DENND1B: variants seen among roughly 807,000 people sequenced by gnomAD.
The protein encoded by DENND1B is DENN domain-containing protein 1B.
In DENND1B, 59 loss-of-function variants were observed where a neutral mutation model predicts 90.1. The observed-to-expected ratio is 0.65, with a 90% CI of 0.53 to 0.81. The LOEUF (loss-of-function observed/expected upper bound fraction) is 0.81, where lower values mean the gene tolerates loss of function less well. Among genes scored for constraint, DENND1B ranks in the 40% least tolerant of loss-of-function variants. The pLI, the probability that DENND1B is intolerant of heterozygous loss-of-function variation, is 0.00. For missense variants in DENND1B, 862 were observed against 912.6 expected, an observed-to-expected ratio of 0.94 and a Z score of 0.71; for synonymous variants, 337 against 324.6, an observed-to-expected ratio of 1.04 and a Z score of -0.41.
chr1:197,697,540 A>G (rs1436697474), intron 3 of DENND1B, among the ~76,000 whole-genome samples: 1 of 151,696 alleles, frequency 6.6e-6, no homozygotes, highest in African/African-American at 2.4e-5. Context: ...ATAAGGCTTA[A>G]AGATCACCTT....
intron 14 of DENND1B, among the ~76,000 whole-genome samples, chr1:197,594,945 G>A (rs767334423): frequency 6.6e-6 from 1 of 152,098 alleles, no homozygotes; most frequent in South Asian, 2.1e-4. Flanking sequence ...TAGTTAAGGA[G>A]TAAGTATTCC....
chr1:197,733,044 T>A (rs1430196505), intron 2 of DENND1B, among the ~76,000 whole-genome samples: 1 of 151,940 alleles, frequency 6.6e-6, no homozygotes, highest in Non-Finnish European at 1.5e-5. Context: ...ACAAACATGA[T>A]CATATTAAAC....
chr1:197,591,853 G>C (rs1198440829), intron 14 of DENND1B, among the ~76,000 whole-genome samples: 1 of 152,026 alleles, frequency 6.6e-6, no homozygotes, highest in Admixed American at 6.6e-5. Context: ...GCTCACGCCT[G>C]TAATCCCAGC....
chr1:197,527,285 G>C (rs529564660), intron 20 of DENND1B, among the ~76,000 whole-genome samples: 1 of 150,986 alleles, frequency 6.6e-6, no homozygotes, highest in Non-Finnish European at 1.5e-5. Context: ...TATTTCAAAA[G>C]AGTTGATCAC....
At chr1:197,559,981 A>G (rs559959214) in intron 15 of DENND1B, among the ~76,000 whole-genome samples, 1 of 152,086 alleles carries the variant, frequency 6.6e-6, no homozygotes, top group East Asian at 1.9e-4. Flanking sequence ...TTATGCCATT[A>G]GGTAATGAGA....
rs1354780887 is a variant in DENND1B, at chr1:197,539,943, AG to A, written c.1515+20del. On this transcript the variant is annotated intron_variant, in intron 20 of 22. Coordinates refer to ENST00000620048, the MANE Select transcript of DENND1B (RefSeq NM_001195215.2). ...ATAATTTGAGAATGTGGGGGAATGA[AG>A]GGTAAATAACCTTACTTACCTGAGC... The A allele has an allele frequency of 6.7e-7, 1 of 1,494,606 alleles. No individual in the cohort carries two copies. The allele number at this position is 1,494,606 out of a possible 1,614,324, so 92.6% of individuals were successfully genotyped here.
intron 5 of DENND1B, among the ~76,000 whole-genome samples, chr1:197,668,582 C>A (rs191303755): frequency 6.0e-5 from 9 of 151,220 alleles, no homozygotes; most frequent in Non-Finnish European, 1.3e-4. Flanking sequence ...GTCCCACAAC[C>A]CCTTCCCTTC....
intron 10 of DENND1B, among the ~76,000 whole-genome samples, chr1:197,641,704 A>T (rs1236930837): frequency 6.6e-6 from 1 of 152,152 alleles, no homozygotes; most frequent in Non-Finnish European, 1.5e-5. Context: ...AAAAGACTCA[A>T]TTTCACATTA....
chr1:197,685,167 T>C (rs1657106181), intron 3 of DENND1B, among the ~76,000 whole-genome samples: 2 of 151,996 alleles, frequency 1.3e-5, no homozygotes, highest in South Asian at 4.1e-4. Context: ...ATATGTCATA[T>C]TGAGAACAAG....
intron 10 of DENND1B, among the ~76,000 whole-genome samples, chr1:197,619,866 G>A (rs1339491907): frequency 1.3e-5 from 2 of 151,112 alleles, no homozygotes; most frequent in Non-Finnish European, 3.0e-5. Context: ...TCTGGTAGAG[G>A]GTTATGCCTG....
At chr1:197,537,824 A>G (rs1298348006) in intron 20 of DENND1B, among the ~76,000 whole-genome samples, 1 of 152,042 alleles carries the variant, frequency 6.6e-6, no homozygotes, top group African/African-American at 2.4e-5. Flanking sequence ...ACTTTACAGC[A>G]TGGTGAATAT....
At chr1:197,535,642 G>A (rs190385857) in intron 20 of DENND1B, among the ~76,000 whole-genome samples, 3 of 152,190 alleles carry the variant, frequency 2.0e-5, no homozygotes, top group South Asian at 4.1e-4. Flanking sequence ...ATCAGAAACA[G>A]TAGACATCTT....
At chr1:197,727,927 T>C (rs1490911912) in intron 2 of DENND1B, among the ~76,000 whole-genome samples, 1 of 152,016 alleles carries the variant, frequency 6.6e-6, no homozygotes, top group Non-Finnish European at 1.5e-5. Flanking sequence ...AATGTCCAAC[T>C]AAATATCTCA....
chr1:197,733,404 T>C (rs1662329358), intron 2 of DENND1B, among the ~76,000 whole-genome samples: 1 of 152,230 alleles, frequency 6.6e-6, no homozygotes. Context: ...TTCTTCTACC[T>C]TACCCAACAC....
intron 10 of DENND1B, among the ~76,000 whole-genome samples, chr1:197,635,202 C>T (rs567953549): frequency 2.0e-5 from 3 of 152,258 alleles, no homozygotes; most frequent in South Asian, 4.1e-4. Flanking sequence ...ATCAGATGAA[C>T]ACTTTATATT....
In DENND1B at chr1:197,523,479, C is replaced by T. The variant is rs142838057; in HGVS notation, c.1516-10526G>A. Among the ~76,000 whole-genome samples the T allele has an allele frequency of 2.7e-3, 411 of 152,226 alleles. 2 individuals carry two copies. The highest frequency in any genetic ancestry group is 9.7e-3 in the African/African-American group (401 of 41,552). ...GCCCACTTAAGACAAGCATAGAGAA[C>T]ACATAAGGCTAGGATCAACTAACTA... On this transcript the variant is annotated intron_variant, in intron 20 of 22. Coordinates refer to ENST00000620048, the MANE Select transcript of DENND1B (RefSeq NM_001195215.2).
chr1:197,713,775 T>TTATATTA (rs1660215135), intron 3 of DENND1B, among the ~76,000 whole-genome samples: 4 of 14,480 alleles, frequency 2.8e-4, no homozygotes, highest in Non-Finnish European at 4.1e-4. Flanking sequence ...TATTATATTA[T>TTATATTA]TATATTATAT....
intron 10 of DENND1B, among the ~76,000 whole-genome samples, chr1:197,640,198 T>C (rs1390528587): frequency 6.6e-6 from 1 of 152,060 alleles, no homozygotes; most frequent in Non-Finnish European, 1.5e-5. Context: ...AGAGGCCGGG[T>C]GCGGTGGCTC....
intron 13 of DENND1B, among the ~76,000 whole-genome samples, chr1:197,603,964 A>T (rs1045401615): frequency 6.6e-6 from 1 of 151,118 alleles, no homozygotes; most frequent in Non-Finnish European, 1.5e-5. Context: ...AATAACACTA[A>T]CTGTGATTGA....
Sources: gnomAD v4.1 joint callset for allele counts (sites outside exome capture counted in the v4.1 genomes callset) on GRCh38, gnomAD v4.1.1 for gene constraint, MANE v1.5 for transcripts, NCBI Gene and HGNC (gene_info 2026-07-23, HGNC 2026-07-21) for gene names.